Variants in ALK observed in about 807,000 individuals in gnomAD.
ALK encodes the protein ALK tyrosine kinase receptor.
In ALK, 74 loss-of-function variants were observed where a neutral mutation model predicts 163.1. That is an observed-to-expected ratio of 0.45 (90% CI 0.38 to 0.55). ALK has a LOEUF of 0.55. ALK is among the 20% of genes least tolerant of loss of function. The pLI, the probability that ALK is intolerant of heterozygous loss-of-function variation, is 0.00. For synonymous variants in ALK, 960 were observed against 843.2 expected, an observed-to-expected ratio of 1.14 and a Z score of -2.40; for missense variants, 2,063 against 2,105.3, an observed-to-expected ratio of 0.98 and a Z score of 0.39.
chr2:29,247,655 A>AC (rs1404931671), intron 12 of ALK, among the ~76,000 whole-genome samples: 1 of 152,124 alleles, frequency 6.6e-6, no homozygotes, highest in African/African-American at 2.4e-5. Context: ...GGTGTTTCCA[A>AC]CTGTGTACAT....
intron 1 of ALK, among the ~76,000 whole-genome samples, chr2:29,835,206 C>T (rs770348427): frequency 1.3e-5 from 2 of 152,040 alleles, no homozygotes; most frequent in Non-Finnish European, 2.9e-5. Context: ...TCATTCTAAG[C>T]TGATTTAGAG....
chr2:29,502,163 T>A (rs1043130536), intron 4 of ALK, among the ~76,000 whole-genome samples: 3 of 152,166 alleles, frequency 2.0e-5, no homozygotes, highest in Non-Finnish European at 4.4e-5. Flanking sequence ...ACAGGCATCA[T>A]CCCTGCTCTT....
intron 1 of ALK, among the ~76,000 whole-genome samples, chr2:29,801,689 A>G (rs915611404): frequency 6.6e-6 from 1 of 152,324 alleles, no homozygotes; most frequent in Non-Finnish European, 1.5e-5. Flanking sequence ...CCAGGAGGAC[A>G]GAAATACAGC....
intron 3 of ALK, among the ~76,000 whole-genome samples, chr2:29,652,695 T>C (rs971345388): frequency 6.6e-6 from 1 of 152,060 alleles, no homozygotes; most frequent in Non-Finnish European, 1.5e-5. Flanking sequence ...TGGTCAATAA[T>C]GTAATCAATC....
At chr2:29,327,861 C>T (rs902162628) in intron 6 of ALK, among the ~76,000 whole-genome samples, 4 of 152,050 alleles carry the variant, frequency 2.6e-5, no homozygotes, top group African/African-American at 4.8e-5. Flanking sequence ...CGACTCAGGG[C>T]GAGTCTTGAA....
rs1031661283 is a variant in ALK at position 29,424,893 on chromosome 2, G to T, written c.1155-41034C>A. On this transcript the variant is annotated intron_variant, in intron 4 of 28. Transcript: ENST00000389048. ...GATAATAATTAACTTTCCATTGAGG[G>T]TACCATAAATAAAATTCACAGACCT... Among the ~76,000 whole-genome samples the T allele has an allele frequency of 2.0e-5, 3 of 152,142 alleles. No homozygotes were observed. The East Asian group carries it at 5.8e-4, about 29-fold the overall frequency.
chr2:29,898,363 C>G lies in ALK; in HGVS notation c.667+21630G>C, dbSNP rs1231542616. Among the ~76,000 whole-genome samples the G allele has an allele frequency of 2.0e-5, 3 of 152,178 alleles. No individual in the cohort carries two copies. The East Asian group carries it at 5.8e-4, about 29-fold the overall frequency. On this transcript the variant is annotated intron_variant, in intron 1 of 28. Coordinates refer to ENST00000389048, the MANE Select transcript of ALK (RefSeq NM_004304.5). ...ACCCAACTCACATCCCTTTGATTAACCTTTATCTGGAGAGAAGTGATTGGT... is the reference window on the plus strand; with the variant it reads ...ACCCAACTCACATCCCTTTGATTAAGCTTTATCTGGAGAGAAGTGATTGGT...
At chr2:29,674,748 T>C (rs1001628500) in intron 3 of ALK, among the ~76,000 whole-genome samples, 4 of 150,906 alleles carry the variant, frequency 2.7e-5, no homozygotes, top group African/African-American at 9.8e-5. Flanking sequence ...TCATAAGGAA[T>C]GGTACCAGTT....
At chr2:29,585,492 A>AT (rs900176965) in intron 3 of ALK, among the ~76,000 whole-genome samples, 24 of 151,948 alleles carry the variant, frequency 1.6e-4, no homozygotes, top group African/African-American at 2.4e-4. Flanking sequence ...ACACCTGGCT[A>AT]TTTTTTTATA....
chr2:29,862,616 TAAATA>T (rs771717695), intron 1 of ALK, among the ~76,000 whole-genome samples: 28 of 151,956 alleles, frequency 1.8e-4, no homozygotes, highest in Non-Finnish European at 3.7e-4. Context: ...TGAAAGAAAT[TAAATA>T]AAACACAAAT....
intron 3 of ALK, among the ~76,000 whole-genome samples, chr2:29,649,236 G>A (rs1676971374): frequency 6.6e-6 from 1 of 151,632 alleles, no homozygotes; most frequent in African/African-American, 2.4e-5. Flanking sequence ...GAGAGAGAGA[G>A]AGAGAGAAAG....
intron 1 of ALK, among the ~76,000 whole-genome samples, chr2:29,854,167 C>A (rs1011148358): frequency 6.6e-6 from 1 of 151,702 alleles, no homozygotes; most frequent in Non-Finnish European, 1.5e-5. Flanking sequence ...CTCAAGGAGG[C>A]CTTCGCTATC....
At chr2:29,906,509 T>C (rs190794056) in intron 1 of ALK, among the ~76,000 whole-genome samples, 211 of 152,254 alleles carry the variant, frequency 1.4e-3, no homozygotes, top group African/African-American at 4.1e-3. Context: ...GATAACTGAC[T>C]TCAAATGTTT....
intron 1 of ALK, among the ~76,000 whole-genome samples, chr2:29,751,086 GA>G (rs1165364128): frequency 6.6e-6 from 1 of 152,108 alleles, no homozygotes; most frequent in African/African-American, 2.4e-5. Flanking sequence ...AAGGGGAGGA[GA>G]GGGGAGGGAA....
intron 11 of ALK, among the ~76,000 whole-genome samples, chr2:29,254,740 T>A (rs1334247436): frequency 6.6e-6 from 1 of 152,214 alleles, no homozygotes; most frequent in Non-Finnish European, 1.5e-5. Flanking sequence ...GCATTAGAGA[T>A]GCACAATGAC....
At chr2:29,275,295 C>T (rs1665505845) in intron 10 of ALK, 68 bp from the exon 11 acceptor site, 1 of 1,612,484 alleles carries the variant, frequency 6.2e-7, no homozygotes, top group African/African-American at 1.3e-5. Flanking sequence ...GATGATTTCA[C>T]ACTGAGGGAG....
At chr2:29,611,451 T>C (rs1034198029) in intron 3 of ALK, among the ~76,000 whole-genome samples, 4 of 152,182 alleles carry the variant, frequency 2.6e-5, no homozygotes, top group Admixed American at 6.5e-5. Flanking sequence ...CCCTGTGAGA[T>C]AGGTAGAGTT....
intron 8 of ALK, among the ~76,000 whole-genome samples, chr2:29,304,694 G>A (rs1666457673): frequency 6.6e-6 from 1 of 152,082 alleles, no homozygotes; most frequent in African/African-American, 2.4e-5. Context: ...GGCATAATTT[G>A]GAGTCTGTGC....
At chr2:29,210,430 T>C (rs1461181529) in intron 24 of ALK, among the ~76,000 whole-genome samples, 1 of 152,150 alleles carries the variant, frequency 6.6e-6, no homozygotes, top group East Asian at 1.9e-4. Context: ...CACAAATATT[T>C]CTAGTTTTTT....
Sources: allele counts gnomAD v4.1 joint callset (sites outside exome capture counted in the v4.1 genomes callset), GRCh38; gene constraint gnomAD v4.1.1; transcripts MANE v1.5; gene names NCBI Gene and HGNC (gene_info 2026-07-23, HGNC 2026-07-21).